The following BCAT2 variants were observed in gnomAD, a reference collection of about 807,000 sequenced individuals.
BCAT2 encodes the protein branched chain amino acid transaminase 2, also known as branched-chain-amino-acid aminotransferase, mitochondrial.
BCAT2 carries 44 observed loss-of-function variants against 52.9 expected under a neutral mutation model. The ratio of observed to expected loss-of-function variants is 0.83; its 90% CI spans 0.65 to 1.07. BCAT2 has a LOEUF of 1.07. BCAT2 is among the 50% of genes least tolerant of loss of function. The pLI is 0.00. For missense variants in BCAT2, 478 were observed against 521.8 expected (o/e 0.92, Z 0.82); for synonymous variants, 215 against 217.1 (o/e 0.99, Z 0.08).
chr19:48,805,713 TCCCCGGCTGTCCCTCTCCCGCCATCCCTC>T (rs2034755100), intron 3 of BCAT2, among the ~76,000 whole-genome samples: 2 of 38,456 alleles, frequency 5.2e-5, no homozygotes, highest in Non-Finnish European at 1.0e-4. Context: ...CACCATCACT[TCCCCGGCTGTCCCTCTCCCGCCATCCCTC>T]CCCCGGCTGT....
chr19:48,799,666 G>T lies in BCAT2; in HGVS notation c.695+9C>A. 2 of 1,563,544 alleles carry T rather than the reference G, an allele frequency of 1.3e-6. No individual in the cohort carries two copies. The highest frequency in any genetic ancestry group is 8.6e-7 in the Non-Finnish European group (1 of 1,158,234). ...CGCCAGTCGTTCTGGGGATGGGGGT[G>T]CTACTTACCCACCTAACTTGTAGTT... On this transcript the variant is annotated intron_variant, in intron 6 of 10. Coordinates refer to ENST00000316273, the MANE Select transcript of BCAT2 (RefSeq NM_001190.4). The surrounding 1 kb of genome is among the most constrained non-coding windows in gnomAD (Gnocchi z 5.5).
In BCAT2 at chr19:48,807,617, C is replaced by G; in HGVS notation, c.25-543G>C. On this transcript the variant is annotated intron_variant, in intron 1 of 10. Transcript: ENST00000316273. This position sits in a 1 kb window ranked among gnomAD's most constrained non-coding sequence, Gnocchi z 4.6. ...CCTGGAGTCCAGGCCTCAGACCCTCCTCCCTTACATCCAGGAGTACAGGCC... is the reference window on the plus strand; with the variant it reads ...CCTGGAGTCCAGGCCTCAGACCCTCGTCCCTTACATCCAGGAGTACAGGCC... The G allele has an allele frequency of 1.3e-6, 1 of 755,778 alleles. No homozygotes were observed. The highest frequency in any genetic ancestry group is 1.6e-6 in the Non-Finnish European group (1 of 618,708). 46.8% of individuals were successfully genotyped at this position (755,778 alleles called of 1,614,324 possible).
Position 48,799,943 on chromosome 19 carries a change from C to G in BCAT2, c.531+38G>C, listed in dbSNP as rs894905096. ...CACCCCTGCCCTGCAGAATCCAACC[C>G]CCGCAGCCCAGCTTCCCAGCCCTGG... On this transcript the variant is annotated intron_variant, in intron 5 of 10. Transcript: ENST00000316273. The surrounding 1 kb of genome is among the most constrained non-coding windows in gnomAD (Gnocchi z 5.5). 14 of 1,609,442 alleles carry G rather than the reference C, an allele frequency of 8.7e-6. No homozygotes were observed. The highest frequency in any genetic ancestry group is 1.2e-5 in the Non-Finnish European group (14 of 1,177,126).
chr19:48,795,578 A>AATGTAGT, intron 10 of BCAT2, 114 bp from the exon 11 acceptor site: 1 of 1,234,344 alleles, frequency 8.1e-7, no homozygotes, highest in Non-Finnish European at 1.2e-6. Context: ...GCTCACGGGA[A>AATGTAGT]ATGTAGTCCA....
At chr19:48,803,916 T>G (rs1159049568) in intron 3 of BCAT2, among the ~76,000 whole-genome samples, 1 of 152,212 alleles carries the variant, frequency 6.6e-6, no homozygotes, top group Non-Finnish European at 1.5e-5. Context: ...TCCCAGCCCT[T>G]TGGGAGGATG....
chr19:48,808,361 A>C, intron 1 of BCAT2: 1 of 673,984 alleles, frequency 1.5e-6, no homozygotes, highest in African/African-American at 2.0e-5. Flanking sequence ...TGGAAGAGGA[A>C]GGATGAGAAA....
Position 48,797,072 on chromosome 19 carries a change from C to G in BCAT2, c.839-50G>C, listed in dbSNP as rs759985503. The stretch of plus-strand genomic sequence containing the variant: ...GATGTTACCTCTCACCCCCTAGCAC[C>G]GCCGTCTTAAGAGCCACCCCCTTCC... On this transcript the variant is annotated intron_variant, in intron 7 of 10. Coordinates refer to ENST00000316273, the MANE Select transcript of BCAT2 (RefSeq NM_001190.4). 1.9e-6 allele frequency: 3 copies of G among 1,611,658 alleles called. No homozygotes were observed. In the Admixed American group the frequency reaches 5.0e-5, roughly 27 times the overall value.
chr19:48,810,227 G>C (rs917423240), intron 1 of BCAT2, among the ~76,000 whole-genome samples: 11 of 152,228 alleles, frequency 7.2e-5, no homozygotes, highest in African/African-American at 2.4e-4. Flanking sequence ...ATAAAGTCAG[G>C]TGTAAAGTTA....
chr19:48,797,000 C>A lies in BCAT2; in HGVS notation c.861G>T (p.Pro287=). 6.2e-7 allele frequency: 1 copy of A among 1,614,160 alleles called. No individual in the cohort carries two copies. The highest frequency in any genetic ancestry group is 8.5e-7 in the Non-Finnish European group (1 of 1,180,018). The change falls in exon 8 of 11, where the codon CCG becomes CCT. Residue 287 remains proline (P), a synonymous_variant. Coordinates refer to ENST00000316273, the MANE Select transcript of BCAT2 (RefSeq NM_001190.4). ...CTCCAGGCAGGATAACACCATTCAG[C>A]GGGGGCGTCACCAGCTCCAGCACTA... ...EDGVLELVTP[P]LNGVILPGVV...
At chr19:48,801,820 A>G (rs2034663753) in intron 3 of BCAT2, among the ~76,000 whole-genome samples, 1 of 152,060 alleles carries the variant, frequency 6.6e-6, no homozygotes, top group Non-Finnish European at 1.5e-5. Flanking sequence ...TGTTTTTGGT[A>G]GAGACGGGGT....
rs1231110400 is a variant in BCAT2, at chr19:48,799,854, G to A, written c.532-16C>T. 1.9e-6 allele frequency: 3 copies of A among 1,566,906 alleles called. No homozygotes were observed. Among genetic ancestry groups the A allele is most frequent in the South Asian group, 1.2e-5 (1 of 86,088 alleles). Reference sequence around the variant, plus strand: ...CCAGCGAGGGCTGCGACGGGCAAAGGGACAGCGTCAGGAGTCCAGGCCCCC... The same window carrying A: ...CCAGCGAGGGCTGCGACGGGCAAAGAGACAGCGTCAGGAGTCCAGGCCCCC... On this transcript the variant is annotated splice_polypyrimidine_tract_variant and intron_variant, in intron 5 of 10. Transcript: ENST00000316273. The surrounding 1 kb of genome is among the most constrained non-coding windows in gnomAD (Gnocchi z 5.5).
At chr19:48,795,525 T>C in intron 10 of BCAT2, 61 bp from the exon 11 acceptor site, 2 of 1,597,412 alleles carry the variant, frequency 1.3e-6, no homozygotes, top group Non-Finnish European at 1.7e-6. Flanking sequence ...CAGTAGGCCC[T>C]GGGGTGTTCC....
rs1336392662 is a variant in BCAT2 at position 48,796,708 on chromosome 19, C to T, written c.935G>A (p.Arg312Gln). 1.1e-5 allele frequency: 18 copies of T among 1,611,594 alleles called. No homozygotes were observed. The highest frequency in any genetic ancestry group is 4.5e-5 in the East Asian group (2 of 44,872). The change falls in exon 9 of 11, where the codon CGG (arginine) becomes CAG (glutamine). Residue 312 changes from arginine (R) to glutamine (Q), a missense_variant. By Grantham distance (43) the Arg-to-Gln change is conservative. Transcript: ENST00000316273. ...LDMAQTWGEF[R>Q]VVERTITMKQ... ...CATGGTGATCGTGCGCTCCACCACCCGGAACTCACCCTGCAGGGCAGTTGG... is the reference window on the plus strand; with the variant it reads ...CATGGTGATCGTGCGCTCCACCACCTGGAACTCACCCTGCAGGGCAGTTGG...
At chr19:48,803,195 AAAAAC>A (rs570134063) in intron 3 of BCAT2, among the ~76,000 whole-genome samples, 18 of 151,766 alleles carry the variant, frequency 1.2e-4, no homozygotes, top group Non-Finnish European at 2.4e-4. Context: ...ACACCGTCTC[AAAAAC>A]AAAACAAAAC....
chr19:48,802,441 C>CTTTTTTTT (rs35775607), intron 3 of BCAT2, among the ~76,000 whole-genome samples: 6 of 87,040 alleles, frequency 6.9e-5, no homozygotes, highest in African/African-American at 9.1e-5. Context: ...TACTGGATTC[C>CTTTTTTTT]TTTTTTTTTT....
At position 48,799,809 on chromosome 19, in the gene BCAT2, G is replaced by A. The variant is rs1048183673; in HGVS notation, c.561C>T (p.Arg187=). The A allele has an allele frequency of 1.3e-6, 2 of 1,559,264 alleles. No individual in the cohort carries two copies. Among genetic ancestry groups the A allele is most frequent in the South Asian group, 2.4e-5 (2 of 84,826 alleles). Reference sequence around the variant, plus strand: ...GGCAGAGAATGACGAACAGGAGCGCGCGCGTGGGCTGGCTGACACCCAGCG... The same window carrying A: ...GGCAGAGAATGACGAACAGGAGCGCACGCGTGGGCTGGCTGACACCCAGCG... The part of the protein sequence containing the change: ...EPSLGVSQPT[R]ALLFVILCPV... Residue 187 remains arginine, a synonymous_variant, in exon 6 of 11, where the codon CGC becomes CGT. Transcript: ENST00000316273. This position sits in a 1 kb window ranked among gnomAD's most constrained non-coding sequence, Gnocchi z 5.5.
rs969274183 is a variant in BCAT2, at chr19:48,795,294, G to A, written c.*132C>T. ...TTGGGAGTGTCGCAACCACATGGGGGCGCCAGAGACCCAGACGCCGCCCGC... is the reference window on the plus strand; with the variant it reads ...TTGGGAGTGTCGCAACCACATGGGGACGCCAGAGACCCAGACGCCGCCCGC... On this transcript the variant is annotated 3_prime_UTR_variant, in exon 11 of 11. Coordinates refer to ENST00000316273, the MANE Select transcript of BCAT2 (RefSeq NM_001190.4). 2 of 1,205,452 alleles carry A rather than the reference G, an allele frequency of 1.7e-6. No homozygotes were observed. The highest frequency in any genetic ancestry group is 2.0e-5 in the Admixed American group (1 of 49,810). 74.7% of individuals were successfully genotyped at this position (1,205,452 alleles called of 1,614,324 possible). A position where few individuals can be genotyped will look rare whatever the true frequency, so the allele number is the denominator to read the frequency against.
At position 48,799,038 on chromosome 19, in the gene BCAT2, CG is replaced by C. The variant is rs917951575; in HGVS notation, c.695+636del. 21 of 152,398 alleles carry C rather than the reference CG, an allele frequency of 1.4e-4. No homozygotes were observed. The highest frequency in any genetic ancestry group is 4.8e-4 in the African/African-American group (20 of 41,548). The allele number at this position is 152,398 out of a possible 1,614,324, so 9.4% of individuals were successfully genotyped here. ...CTGGGAGACCCAGGAGAGCAGGGCT[CG>C]GGGCTGACTCATCTGTGTCCCCAGC... On this transcript the variant is annotated intron_variant, in intron 6 of 10. Coordinates refer to ENST00000316273, the MANE Select transcript of BCAT2 (RefSeq NM_001190.4). This position sits in a 1 kb window ranked among gnomAD's most constrained non-coding sequence, Gnocchi z 5.5.
At position 48,807,204 on chromosome 19, in the gene BCAT2, G is replaced by T; in HGVS notation, c.25-130C>A. 2.6e-6 allele frequency: 2 copies of T among 767,712 alleles called. No individual in the cohort carries two copies. The highest frequency in any genetic ancestry group is 4.2e-6 in the Non-Finnish European group (2 of 479,740). The allele number at this position is 767,712 out of a possible 1,614,324, so 47.6% of individuals were successfully genotyped here. On this transcript the variant is annotated intron_variant, in intron 1 of 10. Coordinates refer to ENST00000316273, the MANE Select transcript of BCAT2 (RefSeq NM_001190.4). This position sits in a 1 kb window ranked among gnomAD's most constrained non-coding sequence, Gnocchi z 4.6. The stretch of plus-strand genomic sequence containing the variant: ...TCTGTCCCAGTTTCAGTCCATTCTA[G>T]ACGGGGCAGGTGGTCCTGAAGGAGG...
Sources: allele counts gnomAD v4.1 joint callset (sites outside exome capture counted in the v4.1 genomes callset), GRCh38; gene constraint gnomAD v4.1.1; non-coding constraint Gnocchi (gnomAD v3.1); transcripts MANE v1.5; gene names NCBI Gene and HGNC (gene_info 2026-07-23, HGNC 2026-07-21).